GABRG3: variants seen among roughly 807,000 people sequenced by gnomAD.
GABRG3 encodes the protein gamma-aminobutyric acid receptor subunit gamma-3.
A neutral mutation model predicts 48.8 loss-of-function variants in GABRG3; 25 were observed. The ratio of observed to expected loss-of-function variants is 0.51; its 90% CI spans 0.37 to 0.72. The LOEUF (loss-of-function observed/expected upper bound fraction) is 0.72. Ranked by LOEUF, GABRG3 falls within the 30% of genes least tolerant of loss-of-function variation. GABRG3 has a pLI of 0.00. For missense variants in GABRG3, 394 were observed against 577.9 expected, an observed-to-expected ratio of 0.68 and a Z score of 3.26; for synonymous variants, 227 against 217.6, an observed-to-expected ratio of 1.04 and a Z score of -0.38.
intron 5 of GABRG3, among the ~76,000 whole-genome samples, chr15:27,340,091 C>G (rs573486152): frequency 6.6e-6 from 1 of 152,240 alleles, no homozygotes; most frequent in East Asian, 1.9e-4. Flanking sequence ...CCCTCTAAAC[C>G]TCCCTTTCCC....
chr15:27,402,958 G>T (rs937459168), intron 5 of GABRG3, among the ~76,000 whole-genome samples: 1 of 152,084 alleles, frequency 6.6e-6, no homozygotes, highest in Non-Finnish European at 1.5e-5. Context: ...GTACCTATGT[G>T]ATCATCCTGG....
At chr15:27,019,099 T>C (rs183791162) in intron 2 of GABRG3, among the ~76,000 whole-genome samples, 2,787 of 130,852 alleles carry the variant, frequency 0.021, 40 homozygotes, top group Middle Eastern at 0.047. Flanking sequence ...GATGGAGTCT[T>C]GCTCTGTCAC....
At chr15:27,406,720 G>A (rs143434163) in intron 5 of GABRG3, among the ~76,000 whole-genome samples, 5 of 152,230 alleles carry the variant, frequency 3.3e-5, no homozygotes, top group Non-Finnish European at 7.4e-5. Context: ...ATTCTGGAAC[G>A]TCAAGAGGGT....
At chr15:27,467,269 C>T (rs1349402945) in intron 5 of GABRG3, among the ~76,000 whole-genome samples, 3 of 152,180 alleles carry the variant, frequency 2.0e-5, no homozygotes, top group African/African-American at 7.2e-5. Flanking sequence ...ACTCTCATGG[C>T]CTCATTAACC....
chr15:27,490,134 A>G (rs1890314338), intron 6 of GABRG3, among the ~76,000 whole-genome samples: 1 of 152,142 alleles, frequency 6.6e-6, no homozygotes, highest in South Asian at 2.1e-4. Flanking sequence ...TTTTCAGATA[A>G]GCCTAGTTTT....
At chr15:27,375,653 T>G (rs1343901776) in intron 5 of GABRG3, among the ~76,000 whole-genome samples, 2 of 152,142 alleles carry the variant, frequency 1.3e-5, no homozygotes, top group African/African-American at 4.8e-5. Flanking sequence ...AGAAGACAGC[T>G]TGTGCAGGGA....
At chr15:27,199,362 G>A (rs901105142) in intron 3 of GABRG3, among the ~76,000 whole-genome samples, 1 of 152,104 alleles carries the variant, frequency 6.6e-6, no homozygotes, top group Non-Finnish European at 1.5e-5. Flanking sequence ...CTTGATTCCC[G>A]TTTGATGGAG....
chr15:27,351,651 GTGTGTGTATGGGGTATTTGTGTGTGTT>G (rs1894605528), intron 5 of GABRG3, among the ~76,000 whole-genome samples: 1 of 149,884 alleles, frequency 6.7e-6, no homozygotes, highest in Non-Finnish European at 1.5e-5. Context: ...TATGGTCTGT[GTGTGTGTATGGGGTATTTGTGTGTGTT>G]TGTGTGTATG....
chr15:27,105,789 A>G (rs2140367641), intron 3 of GABRG3, among the ~76,000 whole-genome samples: 1 of 152,234 alleles, frequency 6.6e-6, no homozygotes, highest in Non-Finnish European at 1.5e-5. Context: ...CTTCTGGGAC[A>G]AAATGAAATC....
rs368564672 is a variant in GABRG3 at position 27,294,951 on chromosome 15, A to G, written c.271-31858A>G. 2.0e-5 allele frequency: 3 copies of G among 152,356 alleles called. No homozygotes were observed. In the East Asian group the frequency reaches 5.8e-4, roughly 29 times the overall value. The allele number at this position is 152,356 out of a possible 1,614,324, so 9.4% of individuals were successfully genotyped here. Reference sequence around the variant, plus strand: ...CCTCAGCGCGCCCTCGTCAGAACCCAGAATGGTCAGAATAGCTGGCCAAAG... The same window carrying G: ...CCTCAGCGCGCCCTCGTCAGAACCCGGAATGGTCAGAATAGCTGGCCAAAG... On this transcript the variant is annotated intron_variant, in intron 3 of 9. Transcript: ENST00000615808.
At chr15:27,217,921 G>C (rs948079552) in intron 3 of GABRG3, among the ~76,000 whole-genome samples, 1 of 152,114 alleles carries the variant, frequency 6.6e-6, no homozygotes, top group Non-Finnish European at 1.5e-5. Flanking sequence ...AGGGTGAACT[G>C]CAAACCAGCC....
chr15:27,419,735 T>C (rs985225878), intron 5 of GABRG3, among the ~76,000 whole-genome samples: 40 of 152,132 alleles, frequency 2.6e-4, no homozygotes, highest in African/African-American at 9.4e-4. Flanking sequence ...TAGCAGGTAG[T>C]CAGCAAGATT....
intron 5 of GABRG3, among the ~76,000 whole-genome samples, chr15:27,392,066 CT>C (rs1437716032): frequency 6.6e-6 from 1 of 152,316 alleles, no homozygotes; most frequent in East Asian, 1.9e-4. Flanking sequence ...AGAATAGTTT[CT>C]GGTTTATAGA....
chr15:27,497,261 T>C (rs1460930813), intron 6 of GABRG3, among the ~76,000 whole-genome samples: 3 of 152,260 alleles, frequency 2.0e-5, no homozygotes, highest in Non-Finnish European at 2.9e-5. Flanking sequence ...CTTCCTGATA[T>C]AATACTTCCT....
intron 5 of GABRG3, among the ~76,000 whole-genome samples, chr15:27,453,755 A>C (rs1296186592): frequency 6.6e-6 from 1 of 152,108 alleles, no homozygotes; most frequent in Admixed American, 6.5e-5. Flanking sequence ...GCACCTGCCA[A>C]CATGGCTGGC....
At chr15:27,039,846 C>G (rs1359869739) in intron 3 of GABRG3, among the ~76,000 whole-genome samples, 1 of 152,222 alleles carries the variant, frequency 6.6e-6, no homozygotes, top group Non-Finnish European at 1.5e-5. Flanking sequence ...CGTTGATGTT[C>G]CATCCACCCC....
chr15:27,088,792 A>G (rs1362673298), intron 3 of GABRG3, among the ~76,000 whole-genome samples: 1 of 152,070 alleles, frequency 6.6e-6, no homozygotes, highest in Non-Finnish European at 1.5e-5. Flanking sequence ...ATTGGAGGTG[A>G]GATTTGGGTG....
intron 3 of GABRG3, among the ~76,000 whole-genome samples, chr15:27,200,764 T>C (rs145123192): frequency 1.1e-4 from 17 of 152,296 alleles, no homozygotes; most frequent in Middle Eastern, 3.4e-3. Flanking sequence ...AACATTTTAC[T>C]CACAAAAGCT....
chr15:26,977,476 C>T (rs550702904), intron 2 of GABRG3, among the ~76,000 whole-genome samples: 2 of 152,156 alleles, frequency 1.3e-5, no homozygotes, highest in African/African-American at 4.8e-5. Flanking sequence ...CTTCCTTCCC[C>T]CAAAATTTCT....
Sources: allele counts gnomAD v4.1 joint callset (sites outside exome capture counted in the v4.1 genomes callset), GRCh38; gene constraint gnomAD v4.1.1; transcripts MANE v1.5; gene names NCBI Gene and HGNC (gene_info 2026-07-23, HGNC 2026-07-21).